SRI: variants seen among roughly 807,000 people sequenced by gnomAD.
The protein encoded by SRI is sorcin, also known as 22 kDa protein.
A neutral mutation model predicts 33.3 loss-of-function variants in SRI; 30 were observed. That is an observed-to-expected ratio of 0.90 (90% CI 0.67 to 1.22). The LOEUF (loss-of-function observed/expected upper bound fraction) is 1.22, where lower values mean the gene tolerates loss of function less well. Among genes scored for constraint, SRI ranks in the 50% most tolerant of loss-of-function variants. The pLI is 0.00. For missense variants in SRI, 243 were observed against 250.8 expected (o/e 0.97, Z 0.21); for synonymous variants, 75 against 89.9 (o/e 0.83, Z 0.94).
At chr7:88,219,919 T>C in intron 1 of SRI, 57 bp downstream of exon 1, 1 of 1,527,018 alleles carries the variant, frequency 6.5e-7, no homozygotes, top group Non-Finnish European at 8.8e-7. Flanking sequence ...ATCTCCAAGG[T>C]GGCCTCTTAG....
intron 6 of SRI, 34 bp from the exon 7 acceptor site, chr7:88,208,599 C>T (rs961251886): frequency 6.2e-7 from 1 of 1,612,140 alleles, no homozygotes; most frequent in African/African-American, 1.3e-5. Context: ...TATGGTTTTT[C>T]TTTAAATGGT....
At chr7:88,217,927 T>C (rs1851773911) in intron 2 of SRI, among the ~76,000 whole-genome samples, 1 of 152,234 alleles carries the variant, frequency 6.6e-6, no homozygotes, top group African/African-American at 2.4e-5. Context: ...TTTAAGTAGA[T>C]ACTTAAGGGG....
At chr7:88,222,945 GACTTCA>G (rs1336246244), upstream of SRI, among the ~76,000 whole-genome samples, 1 of 151,888 alleles carries the variant, frequency 6.6e-6, no homozygotes, top group East Asian at 1.9e-4. Context: ...CATGGGCAAG[GACTTCA>G]TGTCCAAAAC....
At chr7:88,222,709 A>C (rs976266584), upstream of SRI, among the ~76,000 whole-genome samples, 6 of 152,158 alleles carry the variant, frequency 3.9e-5, no homozygotes, top group Non-Finnish European at 7.3e-5. Flanking sequence ...ACCTACAACT[A>C]TCTGATCTTT....
rs184834283 is a variant in SRI, at chr7:88,205,240, T to G, written c.*1238A>C. ...GCAAGTAGAAAATAGACTAATTTCA[T>G]TTTTTATCTGTTAAGCTCTCTTGAT... On this transcript the variant is annotated 3_prime_UTR_variant, in exon 8 of 8. Transcript: ENST00000265729. 105 of 152,330 alleles carry G rather than the reference T, an allele frequency of 6.9e-4. No individual in the cohort carries two copies. The highest frequency in any genetic ancestry group is 2.3e-3 in the African/African-American group (95 of 41,572). 9.4% of individuals were successfully genotyped at this position (152,330 alleles called of 1,614,324 possible).
Position 88,217,160 on chromosome 7 carries a change from C to T in SRI, c.167G>A (p.Arg56Lys), listed in dbSNP as rs776807734. The T allele has an allele frequency of 1.2e-6, 2 of 1,613,028 alleles. No homozygotes were observed. Among genetic ancestry groups the T allele is most frequent in the South Asian group, 2.2e-5 (2 of 91,026 alleles). ...DGQIDADELQRCLTQSGIAGG... is the reference protein window; with the variant it reads ...DGQIDADELQKCLTQSGIAGG... ...AGCAATGCCAGACTGTGTCAGACAT[C>T]TCTGCAATTCATCAGCATCTATCTG... Residue 56 changes from arginine (R) to lysine (K), a missense_variant, in exon 3 of 8, where the codon AGA becomes AAA. Transcript: ENST00000265729.
chr7:88,220,115 C>T (rs1449770315), upstream of SRI: 5 of 1,384,298 alleles, frequency 3.6e-6, no homozygotes, highest in East Asian at 6.0e-5. Context: ...GGGGGCCGCC[C>T]CAGAGCGCAC....
upstream of SRI, among the ~76,000 whole-genome samples, chr7:88,220,356 T>A (rs1265807039): frequency 1.8e-5 from 1 of 56,836 alleles, no homozygotes; most frequent in Non-Finnish European, 3.9e-5. Context: ...CCCCAGGAAT[T>A]CTTTTTTTTT....
At chr7:88,211,329 C>T (rs1045395362) in intron 3 of SRI, among the ~76,000 whole-genome samples, 1 of 152,132 alleles carries the variant, frequency 6.6e-6, no homozygotes, top group Non-Finnish European at 1.5e-5. Context: ...GTGGCACACA[C>T]CTGTAATCTC....
chr7:88,218,978 G>T lies in SRI; in HGVS notation c.52-36C>A, dbSNP rs541345812. The T allele has an allele frequency of 1.1e-4, 179 of 1,589,754 alleles. 1 individual carries two copies. The South Asian group carries it at 1.7e-3, about 15-fold the overall frequency. ...GGAAACACATACACGTCATTCTGCC[G>T]AATCAAGTTTTCTTCTTTCACCACT... is the stretch of plus-strand genomic sequence containing the variant. On this transcript the variant is annotated intron_variant, in intron 1 of 7. Transcript: ENST00000265729.
chr7:88,219,857 C>G (rs987593749), intron 1 of SRI, 119 bp downstream of exon 1: 1 of 1,271,754 alleles, frequency 7.9e-7, no homozygotes, highest in Admixed American at 2.3e-5. Flanking sequence ...AAGCCGAGGG[C>G]GGAAGGAGCC....
In SRI at chr7:88,205,149, C is replaced by T. The variant is rs550692368; in HGVS notation, c.*1329G>A. 1 of 152,270 alleles carries T rather than the reference C, an allele frequency of 6.6e-6. No homozygotes were observed. The highest frequency in any genetic ancestry group is 2.4e-5 in the African/African-American group (1 of 41,534). 9.4% of individuals were successfully genotyped at this position (152,270 alleles called of 1,614,324 possible). A position where few individuals can be genotyped will look rare whatever the true frequency, so the allele number is the denominator to read the frequency against. Reference sequence around the variant, plus strand: ...AAAATGTTTTATTTTCATTAGTTGACAACTAGTTGTTCAGTTGAATGGTAA... The same window carrying T: ...AAAATGTTTTATTTTCATTAGTTGATAACTAGTTGTTCAGTTGAATGGTAA... On this transcript the variant is annotated 3_prime_UTR_variant, in exon 8 of 8. Coordinates refer to ENST00000265729, the MANE Select transcript of SRI (RefSeq NM_003130.4).
chr7:88,221,289 T>C (rs1851883004), upstream of SRI, among the ~76,000 whole-genome samples: 1 of 152,224 alleles, frequency 6.6e-6, no homozygotes, highest in South Asian at 2.1e-4. Flanking sequence ...GCAAGCCCTT[T>C]TGAAAACCAA....
intron 2 of SRI, among the ~76,000 whole-genome samples, chr7:88,218,501 A>C (rs181705320): frequency 1.5e-4 from 23 of 152,370 alleles, no homozygotes; most frequent in Admixed American, 6.5e-4. Flanking sequence ...AGTTCAACCC[A>C]AAGAAAGTGC....
rs1032387392 is a variant in SRI, at chr7:88,209,559, A to G, written c.398-107T>C. ...TTTTTAAGACTGCAGACTCATATTAATTATGAACACACACAATTTCTAAGA... is the reference window on the plus strand; with the variant it reads ...TTTTTAAGACTGCAGACTCATATTAGTTATGAACACACACAATTTCTAAGA... On this transcript the variant is annotated intron_variant, in intron 5 of 7. Transcript: ENST00000265729. 21 of 779,982 alleles carry G rather than the reference A, an allele frequency of 2.7e-5. No homozygotes were observed. In the African/African-American group the frequency reaches 3.3e-4, roughly 12 times the overall value. 48.3% of individuals were successfully genotyped at this position (779,982 alleles called of 1,614,324 possible). A position where few individuals can be genotyped will look rare whatever the true frequency, so the allele number is the denominator to read the frequency against.
upstream of SRI, among the ~76,000 whole-genome samples, chr7:88,222,500 C>G (rs1488946744): frequency 6.6e-6 from 1 of 151,460 alleles, no homozygotes; most frequent in Non-Finnish European, 1.5e-5. Flanking sequence ...TGAGAAGTGT[C>G]TGTTCATGTC....
Sources: gnomAD v4.1 joint callset for allele counts (sites outside exome capture counted in the v4.1 genomes callset) on GRCh38, gnomAD v4.1.1 for gene constraint, MANE v1.5 for transcripts, NCBI Gene and HGNC (gene_info 2026-07-23, HGNC 2026-07-21) for gene names.